The following PPARGC1A variants were observed in gnomAD, a reference collection of about 807,000 sequenced individuals.
The protein encoded by PPARGC1A is PPARG coactivator 1 alpha, also known as peroxisome proliferator-activated receptor gamma coactivator 1-alpha.
A neutral mutation model predicts 88.7 loss-of-function variants in PPARGC1A; 25 were observed. The observed-to-expected ratio is 0.28, with a 90% CI of 0.21 to 0.39. The LOEUF is 0.39. PPARGC1A is among the 10% of genes least tolerant of loss of function. The pLI, the probability that PPARGC1A is intolerant of heterozygous loss-of-function variation, is 1.00. For missense variants in PPARGC1A, 880 were observed against 968.7 expected (o/e 0.91, Z 1.22); for synonymous variants, 363 against 355.6 (o/e 1.02, Z -0.24).
chr4:24,368,556 G>C, the PPARGC1A span, among the ~76,000 whole-genome samples: 14 of 151,978 alleles, frequency 9.2e-5, no homozygotes, highest in Non-Finnish European at 1.9e-4. Context: ...TCTCTTCAAG[G>C]TGGACTTCAA....
chr4:23,815,419 C>G (rs1171752438), intron 7 of PPARGC1A, among the ~76,000 whole-genome samples: 2 of 152,092 alleles, frequency 1.3e-5, no homozygotes, highest in African/African-American at 4.8e-5. Context: ...GCCAGCCGAC[C>G]ATTTTATATA....
the PPARGC1A span, among the ~76,000 whole-genome samples, chr4:24,233,709 G>A: frequency 6.6e-6 from 1 of 151,802 alleles, no homozygotes; most frequent in Non-Finnish European, 1.5e-5. Flanking sequence ...CTAACTCACT[G>A]TCAGTGAGAT....
At chr4:24,079,020 G>A in the PPARGC1A span, among the ~76,000 whole-genome samples, 33 of 152,062 alleles carry the variant, frequency 2.2e-4, no homozygotes, top group African/African-American at 7.7e-4. Flanking sequence ...CTTTCTCATA[G>A]TATATCTAAC....
At chr4:24,340,032 C>T in the PPARGC1A span, among the ~76,000 whole-genome samples, 4 of 152,002 alleles carry the variant, frequency 2.6e-5, no homozygotes, top group East Asian at 1.9e-4. Flanking sequence ...CCACCGTGCC[C>T]GGCCTAGGTT....
At chr4:23,964,863 CT>C in the PPARGC1A span, among the ~76,000 whole-genome samples, 1 of 152,164 alleles carries the variant, frequency 6.6e-6, no homozygotes, top group South Asian at 2.1e-4. Flanking sequence ...TTTCAATAGT[CT>C]TGATCTGATT....
At chr4:24,324,404 T>C in the PPARGC1A span, among the ~76,000 whole-genome samples, 1 of 150,642 alleles carries the variant, frequency 6.6e-6, no homozygotes, top group Non-Finnish European at 1.5e-5. Flanking sequence ...ACCCCTTCTC[T>C]GCTTTTCTGG....
At chr4:24,006,346 G>A in the PPARGC1A span, among the ~76,000 whole-genome samples, 1 of 152,146 alleles carries the variant, frequency 6.6e-6, no homozygotes, top group Admixed American at 6.6e-5. Context: ...ACTGTGCCCG[G>A]CCAGTTTTCT....
intron 2 of PPARGC1A, chr4:23,880,149 A>G (rs975162986): frequency 6.6e-6 from 1 of 152,244 alleles, no homozygotes; most frequent in Non-Finnish European, 1.5e-5. Context: ...ACATATATAC[A>G]TATACATGAA....
At chr4:24,218,676 G>A in the PPARGC1A span, among the ~76,000 whole-genome samples, 1 of 152,184 alleles carries the variant, frequency 6.6e-6, no homozygotes, top group Non-Finnish European at 1.5e-5. Context: ...AATGTTCCCA[G>A]CAATTCAGCT....
the PPARGC1A span, among the ~76,000 whole-genome samples, chr4:24,075,954 T>C: frequency 6.6e-6 from 1 of 152,158 alleles, no homozygotes; most frequent in Non-Finnish European, 1.5e-5. Flanking sequence ...TGAAAACAGT[T>C]TTACACCACC....
In PPARGC1A at chr4:23,814,302, G is replaced by A. The variant is rs769318366; in HGVS notation, c.1181C>T (p.Thr394Ile). Residue 394 changes from threonine to isoleucine, a missense_variant, in exon 8 of 13, where the codon ACA becomes ATA. Physicochemically the swap from Thr to Ile is moderately conservative, Grantham distance 89. Transcript: ENST00000264867. The stretch of plus-strand genomic sequence containing the variant: ...CTGTGATATATTAATGAGTATTTCT[G>A]TTTTGGAATTAATTGACTGGCAATA... ...HDYCQSINSKTEILINISQEL... is the reference protein window; with the variant it reads ...HDYCQSINSKIEILINISQEL... The A allele has an allele frequency of 3.0e-5, 48 of 1,613,852 alleles. No homozygotes were observed. The highest frequency in any genetic ancestry group is 3.6e-5 in the Non-Finnish European group (43 of 1,179,984).
the PPARGC1A span, among the ~76,000 whole-genome samples, chr4:23,943,108 C>A: frequency 6.6e-6 from 1 of 152,114 alleles, no homozygotes; most frequent in African/African-American, 2.4e-5. Context: ...CATAGCCCAG[C>A]AAATACCCAC....
chr4:23,978,482 G>A, the PPARGC1A span, among the ~76,000 whole-genome samples: 10 of 152,284 alleles, frequency 6.6e-5, no homozygotes, highest in East Asian at 1.9e-4. Flanking sequence ...TGAATCAAAG[G>A]CTGTTTTCTG....
the PPARGC1A span, among the ~76,000 whole-genome samples, chr4:24,456,859 G>A: frequency 6.6e-6 from 1 of 152,036 alleles, no homozygotes; most frequent in Admixed American, 6.6e-5. Context: ...CAGAGTGTGG[G>A]CAATGTGACT....
chr4:23,876,734 A>C (rs1222391026), intron 2 of PPARGC1A, among the ~76,000 whole-genome samples: 2 of 152,094 alleles, frequency 1.3e-5, no homozygotes, highest in South Asian at 2.1e-4. Flanking sequence ...TAGTTTAAAA[A>C]AACTCAATGG....
the PPARGC1A span, among the ~76,000 whole-genome samples, chr4:24,233,420 T>G: frequency 6.6e-6 from 1 of 152,084 alleles, no homozygotes; most frequent in Non-Finnish European, 1.5e-5. Context: ...TCAAATGGAT[T>G]TAGAGGAAAC....
the PPARGC1A span, among the ~76,000 whole-genome samples, chr4:24,157,192 T>C: frequency 6.6e-6 from 1 of 152,160 alleles, no homozygotes; most frequent in Admixed American, 6.6e-5. Context: ...GATCCTCTGA[T>C]CATCATCCAT....
At chr4:24,437,590 G>GC in the PPARGC1A span, among the ~76,000 whole-genome samples, 2 of 130,686 alleles carry the variant, frequency 1.5e-5, no homozygotes, top group African/African-American at 5.7e-5. Flanking sequence ...AAAGGCACAG[G>GC]TTTTTTGTTG....
the PPARGC1A span, among the ~76,000 whole-genome samples, chr4:24,055,508 G>T: frequency 1.3e-5 from 2 of 152,172 alleles, no homozygotes; most frequent in Non-Finnish European, 2.9e-5. Flanking sequence ...AAAGTGCTAA[G>T]CATTTATGTA....
Sources: gnomAD v4.1 joint callset for allele counts (sites outside exome capture counted in the v4.1 genomes callset) on GRCh38, gnomAD v4.1.1 for gene constraint, MANE v1.5 for transcripts, NCBI Gene and HGNC (gene_info 2026-07-23, HGNC 2026-07-21) for gene names.